The following CSMD1 variants were observed in gnomAD, a reference collection of about 807,000 sequenced individuals.
CSMD1 encodes the protein CUB and sushi domain-containing protein 1.
CSMD1 carries 213 observed loss-of-function variants against 417.5 expected under a neutral mutation model. That is an observed-to-expected ratio of 0.51 (90% CI 0.46 to 0.57). The LOEUF is 0.57. Ranked by LOEUF, CSMD1 falls within the 20% of genes least tolerant of loss-of-function variation. CSMD1 has a pLI of 0.00. For missense variants in CSMD1, 6,923 were observed against 4,529.7 expected, an observed-to-expected ratio of 1.53 and a Z score of -15.17; for synonymous variants, 2,862 against 1,736.8, an observed-to-expected ratio of 1.65 and a Z score of -16.11.
chr8:3,962,077 G>C (rs1287240532), intron 5 of CSMD1, among the ~76,000 whole-genome samples: 5 of 152,170 alleles, frequency 3.3e-5, no homozygotes, highest in Non-Finnish European at 7.3e-5. Context: ...CATTCTCAGA[G>C]ATAACTTGAG....
chr8:4,624,369 C>T (rs989502742), intron 2 of CSMD1, among the ~76,000 whole-genome samples: 7 of 152,126 alleles, frequency 4.6e-5, no homozygotes, highest in African/African-American at 1.7e-4. Context: ...TAACCGAAAT[C>T]TAGAAAGACT....
At chr8:3,908,701 G>C (rs757906293) in intron 5 of CSMD1, among the ~76,000 whole-genome samples, 11 of 152,114 alleles carry the variant, frequency 7.2e-5, no homozygotes, top group Non-Finnish European at 1.0e-4. Flanking sequence ...TGAAGCAATC[G>C]CTTAATAGCA....
chr8:4,515,055 AC>A (rs995721266), intron 2 of CSMD1, among the ~76,000 whole-genome samples: 5 of 152,162 alleles, frequency 3.3e-5, no homozygotes, highest in Non-Finnish European at 5.9e-5. Flanking sequence ...TACACTCCAC[AC>A]CCAGAAGGCA....
chr8:2,941,797 C>G (rs1229395258), intron 69 of CSMD1, among the ~76,000 whole-genome samples: 3 of 152,186 alleles, frequency 2.0e-5, no homozygotes, highest in Non-Finnish European at 4.4e-5. Context: ...AAACATCTAT[C>G]AATCACAGAT....
intron 1 of CSMD1, among the ~76,000 whole-genome samples, chr8:4,648,271 T>C (rs1416062333): frequency 6.6e-6 from 1 of 152,208 alleles, no homozygotes; most frequent in Non-Finnish European, 1.5e-5. Flanking sequence ...TTGTTTTTTC[T>C]TGCTAATTTC....
At chr8:4,426,122 A>G (rs1002577109) in intron 2 of CSMD1, among the ~76,000 whole-genome samples, 1 of 151,804 alleles carries the variant, frequency 6.6e-6, no homozygotes. Context: ...TATGGATGTG[A>G]CAGAGAGACT....
chr8:3,405,139 C>G (rs1049524167), intron 15 of CSMD1, among the ~76,000 whole-genome samples: 1 of 152,096 alleles, frequency 6.6e-6, no homozygotes, highest in Non-Finnish European at 1.5e-5. Context: ...GTCTCATTCA[C>G]CTGTTTAAAT....
intron 5 of CSMD1, among the ~76,000 whole-genome samples, chr8:3,887,455 G>A (rs570159274): frequency 6.6e-6 from 1 of 152,296 alleles, no homozygotes; most frequent in South Asian, 2.1e-4. Flanking sequence ...TGAAAGTGGG[G>A]CTAATTTTGT....
At chr8:3,471,516 C>G (rs1382309754) in intron 11 of CSMD1, among the ~76,000 whole-genome samples, 1 of 150,904 alleles carries the variant, frequency 6.6e-6, no homozygotes, top group East Asian at 2.0e-4. Context: ...TTCATTCCTT[C>G]CTTCCTTCGT....
intron 26 of CSMD1, among the ~76,000 whole-genome samples, chr8:3,268,041 G>C (rs372048876): frequency 3.3e-5 from 5 of 152,064 alleles, no homozygotes; most frequent in African/African-American, 1.2e-4. Flanking sequence ...TTTTATGAGG[G>C]ACGGGCCAAT....
chr8:4,160,091 A>G (rs918064718), intron 3 of CSMD1, among the ~76,000 whole-genome samples: 5 of 89,274 alleles, frequency 5.6e-5, no homozygotes, highest in Admixed American at 1.4e-4. Flanking sequence ...AATTTAAAAA[A>G]AAAAAGAAAA....
intron 7 of CSMD1, among the ~76,000 whole-genome samples, chr8:3,672,499 A>G (rs1228053034): frequency 6.6e-6 from 1 of 152,044 alleles, no homozygotes; most frequent in Non-Finnish European, 1.5e-5. Flanking sequence ...TTCAGTTTTA[A>G]ATATTTAGAT....
chr8:3,131,924 G>T (rs1380284611), intron 41 of CSMD1, among the ~76,000 whole-genome samples: 1 of 152,188 alleles, frequency 6.6e-6, no homozygotes, highest in South Asian at 2.1e-4. Flanking sequence ...CAAGGCCCCA[G>T]AACTATTGGT....
At chr8:3,811,178 T>C (rs1004856517) in intron 5 of CSMD1, among the ~76,000 whole-genome samples, 5 of 152,174 alleles carry the variant, frequency 3.3e-5, no homozygotes, top group Non-Finnish European at 7.3e-5. Context: ...AGATCTGAAT[T>C]CTTTTTCTAT....
intron 3 of CSMD1, among the ~76,000 whole-genome samples, chr8:4,385,849 C>T (rs1236040387): frequency 6.6e-6 from 1 of 152,108 alleles, no homozygotes; most frequent in Non-Finnish European, 1.5e-5. Flanking sequence ...CTGTTAAAAT[C>T]TGGATATTTA....
chr8:4,686,574 G>T (rs949568146), intron 1 of CSMD1, among the ~76,000 whole-genome samples: 1 of 152,220 alleles, frequency 6.6e-6, no homozygotes, highest in East Asian at 1.9e-4. Context: ...ATAAGCATTA[G>T]ATCACAAGTC....
chr8:3,650,670 G>A (rs574441312), intron 7 of CSMD1, among the ~76,000 whole-genome samples: 2 of 152,294 alleles, frequency 1.3e-5, no homozygotes, highest in South Asian at 4.1e-4. Flanking sequence ...TATGAGAACT[G>A]TTCGAAGTGG....
chr8:3,314,245 A>G (rs893441192), intron 23 of CSMD1, among the ~76,000 whole-genome samples: 8 of 151,840 alleles, frequency 5.3e-5, no homozygotes, highest in Non-Finnish European at 8.8e-5. Flanking sequence ...AACTTAAAGT[A>G]TAATAAAAAA....
rs551372285 is a variant in CSMD1 at position 3,637,732 on chromosome 8, T to G, written c.1010-20935A>C. On this transcript the variant is annotated intron_variant, in intron 7 of 69. Transcript: ENST00000635120. The stretch of plus-strand genomic sequence containing the variant: ...GTGTTAAGTAGGGATATGGTTTGGC[T>G]GTGTCCCCACCCAAATCTCATCTTG... 3.3e-5 allele frequency among the ~76,000 whole-genome samples: 5 copies of G among 152,204 alleles called. No homozygotes were observed. The East Asian group carries it at 5.8e-4, about 18-fold the overall frequency.
Sources: gnomAD v4.1 joint callset for allele counts (sites outside exome capture counted in the v4.1 genomes callset) on GRCh38, gnomAD v4.1.1 for gene constraint, MANE v1.5 for transcripts, NCBI Gene and HGNC (gene_info 2026-07-23, HGNC 2026-07-21) for gene names.